PSMG1: variants seen among roughly 807,000 people sequenced by gnomAD.
PSMG1 encodes Down syndrome critical region gene 2.
A neutral mutation model predicts 37.2 loss-of-function variants in PSMG1; 23 were observed. The observed-to-expected ratio is 0.62, with a 90% confidence interval of 0.44 to 0.88. The LOEUF (loss-of-function observed/expected upper bound fraction) is 0.88, where lower values mean the gene tolerates loss of function less well. PSMG1 is among the 40% of genes least tolerant of loss of function. The probability of loss-of-function intolerance (pLI) is 0.00; values close to 1 mark genes in which losing one functional copy is unlikely to be tolerated. For missense variants in PSMG1, 340 were observed against 344.2 expected, an observed-to-expected ratio of 0.99 and a Z score of 0.10; for synonymous variants, 127 against 128.0, an observed-to-expected ratio of 0.99 and a Z score of 0.05.
rs1194672826 is a variant in PSMG1, at chr21:39,180,328, G to A, written c.350C>T (p.Thr117Ile). Reference sequence around the variant, plus strand: ...ATGATAAAACACACAAAAAGCCTCTGTGGAGGACAGATGTGTAGTGTCTGT... The same window carrying A: ...ATGATAAAACACACAAAAAGCCTCTATGGAGGACAGATGTGTAGTGTCTGT... ...RTTDTTHLSS[T>I]EAFCVFYHLK... The change falls in exon 3 of 7, where the codon ACA becomes ATA. Residue 117 changes from threonine to isoleucine, a missense_variant. Transcript: ENST00000331573. 1.2e-6 allele frequency: 2 copies of A among 1,611,980 alleles called. No individual in the cohort carries two copies. Among genetic ancestry groups the A allele is most frequent in the East Asian group, 2.2e-5 (1 of 44,830 alleles).
chr21:39,179,319 G>T (rs1410946785), intron 4 of PSMG1, among the ~76,000 whole-genome samples: 3 of 152,102 alleles, frequency 2.0e-5, no homozygotes, highest in Non-Finnish European at 4.4e-5. Flanking sequence ...CCTACTTAAG[G>T]GGCCTGCGAT....
chr21:39,179,201 A>G (rs772549863), intron 4 of PSMG1, among the ~76,000 whole-genome samples: 6 of 152,156 alleles, frequency 3.9e-5, no homozygotes, highest in Non-Finnish European at 7.4e-5. Context: ...CTTCCTATAC[A>G]GCCTGCAGAA....
At chr21:39,183,099 G>C in intron 1 of PSMG1, 153 bp downstream of exon 1, 3 of 975,322 alleles carry the variant, frequency 3.1e-6, no homozygotes, top group South Asian at 4.0e-5. Flanking sequence ...CGGCTTCACG[G>C]AGACCCAGGG....
chr21:39,180,188 G>A, intron 3 of PSMG1, 97 bp downstream of exon 3: 1 of 1,397,378 alleles, frequency 7.2e-7, no homozygotes, highest in Non-Finnish European at 9.6e-7. Flanking sequence ...CACTGACAGA[G>A]CAACTGAAAG....
intron 1 of PSMG1, 161 bp downstream of exon 1, chr21:39,183,091 G>A (rs2030924084): frequency 2.2e-6 from 2 of 902,830 alleles, no homozygotes; most frequent in African/African-American, 1.8e-5. Flanking sequence ...GGACGCCGCG[G>A]CTTCACGGAG....
intron 4 of PSMG1, among the ~76,000 whole-genome samples, chr21:39,178,998 A>G (rs1240460557): frequency 6.6e-6 from 1 of 152,120 alleles, no homozygotes; most frequent in Non-Finnish European, 1.5e-5. Flanking sequence ...TGAATGGCCT[A>G]GCACCACCCT....
upstream of PSMG1, chr21:39,183,481 C>T: frequency 1.4e-6 from 2 of 1,418,440 alleles, no homozygotes; most frequent in South Asian, 1.4e-5. Context: ...GGCAATAAGT[C>T]CCGCCCCGCA....
At position 39,178,602 on chromosome 21, in the gene PSMG1, T is replaced by A; in HGVS notation, c.502A>T (p.Thr168Ser). The A allele has an allele frequency of 6.2e-7, 1 of 1,614,030 alleles. No homozygotes were observed. The highest frequency in any genetic ancestry group is 8.5e-7 in the Non-Finnish European group (1 of 1,179,922). The part of the protein sequence containing the change: ...PRKNMQITIL[T>S]CRHVTDYKTS... Reference sequence around the variant, plus strand: ...TTATAATCGGTAACATGTCGACATGTGAGAATAGTTATCTGCATGTTCTTC... The same window carrying A: ...TTATAATCGGTAACATGTCGACATGAGAGAATAGTTATCTGCATGTTCTTC... Residue 168 changes from threonine to serine, a missense_variant, in exon 5 of 7, where the codon ACA (threonine) becomes TCA (serine). By Grantham distance (58) the Thr-to-Ser change is moderately conservative. Transcript: ENST00000331573.
chr21:39,181,013 T>G (rs1178888017), intron 2 of PSMG1, among the ~76,000 whole-genome samples: 1 of 152,224 alleles, frequency 6.6e-6, no homozygotes, highest in East Asian at 1.9e-4. Flanking sequence ...TATTACTGTC[T>G]TTAGAGTTTT....
chr21:39,182,640 G>A lies in PSMG1; in HGVS notation c.134+612C>T, dbSNP rs553170656. On this transcript the variant is annotated intron_variant, in intron 1 of 6. Coordinates refer to ENST00000331573, the MANE Select transcript of PSMG1 (RefSeq NM_003720.4). ...TGACTGGAATTCGCTTAGGAGTGGC[G>A]GGAGAGAAAATAAACGTGGCAAAAT... Among the ~76,000 whole-genome samples the A allele has an allele frequency of 3.3e-4, 51 of 152,286 alleles. No homozygotes were observed. The Middle Eastern group carries it at 0.014, about 41-fold the overall frequency.
At chr21:39,177,751 A>G (rs956836140) in intron 5 of PSMG1, among the ~76,000 whole-genome samples, 180 bp from the exon 6 acceptor site, 3 of 152,180 alleles carry the variant, frequency 2.0e-5, no homozygotes, top group African/African-American at 7.2e-5. Flanking sequence ...AAGTCAATTT[A>G]TTTTCCTAAT....
chr21:39,183,059 C>T (rs2030921125), intron 1 of PSMG1, 193 bp downstream of exon 1: 1 of 662,450 alleles, frequency 1.5e-6, no homozygotes, highest in Middle Eastern at 4.4e-4. Context: ...GAGAACCACA[C>T]ACACCTGGGG....
rs760618979 is a variant in PSMG1 at position 39,177,431 on chromosome 21, T to C, written c.792+4A>G. The C allele has an allele frequency of 1.9e-6, 3 of 1,580,550 alleles. No individual in the cohort carries two copies. The highest frequency in any genetic ancestry group is 2.6e-6 in the Non-Finnish European group (3 of 1,168,802). ...CTATTAATTTAAATGAGTTAAAACC[T>C]TACCTTAACCAAACCCTTCAAGCTT... On this transcript the variant is annotated splice_donor_region_variant and intron_variant, in intron 6 of 6. Coordinates refer to ENST00000331573, the MANE Select transcript of PSMG1 (RefSeq NM_003720.4).
At chr21:39,181,911 C>T (rs199867602) in intron 1 of PSMG1, 33 bp from the exon 2 acceptor site, 1 of 1,475,352 alleles carries the variant, frequency 6.8e-7, no homozygotes, top group Non-Finnish European at 9.2e-7. Context: ...ACTAAAGCAA[C>T]TTCAATATAA....
chr21:39,175,681 A>T lies in PSMG1; in HGVS notation c.793-17T>A, dbSNP rs756037333. 4.7e-6 allele frequency: 7 copies of T among 1,505,320 alleles called. No homozygotes were observed. The highest frequency in any genetic ancestry group is 6.5e-6 in the Non-Finnish European group (7 of 1,081,752). The allele number at this position is 1,505,320 out of a possible 1,614,324, so 93.2% of individuals were successfully genotyped here. On this transcript the variant is annotated splice_polypyrimidine_tract_variant and intron_variant, in intron 6 of 6. Transcript: ENST00000331573. ...GGGAATATTCTGAAAGGAGAGAAAA[A>T]AGTGAATACAGTGAGACCCCAGGGA...
Position 39,183,419 on chromosome 21 carries a change from C to A in PSMG1, c.-34G>T. 1 of 1,551,436 alleles carries A rather than the reference C, an allele frequency of 6.4e-7. No individual in the cohort carries two copies. On this transcript the variant is annotated 5_prime_UTR_variant, in exon 1 of 7. Transcript: ENST00000331573. Reference sequence around the variant, plus strand: ...CGTGACCGGCTGGACACAACTGCAGCGCCGCGGGACCGCACGCCGGCTTGC... The same window carrying A: ...CGTGACCGGCTGGACACAACTGCAGAGCCGCGGGACCGCACGCCGGCTTGC...
chr21:39,182,475 G>A (rs746776799), intron 1 of PSMG1, among the ~76,000 whole-genome samples: 62 of 152,292 alleles, frequency 4.1e-4, no homozygotes, highest in South Asian at 8.3e-4. Flanking sequence ...AAAAAACTAG[G>A]TAAACGTGAG....
At chr21:39,181,333 C>T (rs2030820539) in intron 2 of PSMG1, among the ~76,000 whole-genome samples, 1 of 151,926 alleles carries the variant, frequency 6.6e-6, no homozygotes, top group Admixed American at 6.5e-5. Context: ...GATACGGTCT[C>T]ACTATGTTGC....
intron 2 of PSMG1, 112 bp from the exon 3 acceptor site, chr21:39,180,548 A>G: frequency 9.0e-7 from 1 of 1,115,902 alleles, no homozygotes; most frequent in Non-Finnish European, 1.2e-6. Context: ...AGAGCCATTC[A>G]AGACCGTCTA....
Sources: gnomAD v4.1 joint callset for allele counts (sites outside exome capture counted in the v4.1 genomes callset) on GRCh38, gnomAD v4.1.1 for gene constraint, MANE v1.5 for transcripts, NCBI Gene and HGNC (gene_info 2026-07-23, HGNC 2026-07-21) for gene names.